The following SLC5A11 variants were observed in gnomAD, a reference collection of about 807,000 sequenced individuals.
The protein encoded by SLC5A11 is sodium/myo-inositol cotransporter 2.
In SLC5A11, 48 loss-of-function variants were observed where a neutral mutation model predicts 69.8. The observed-to-expected ratio is 0.69, with a 90% CI of 0.55 to 0.87. The LOEUF is 0.87. Ranked by LOEUF, SLC5A11 falls within the 40% of genes least tolerant of loss-of-function variation. The pLI, the probability that SLC5A11 is intolerant of heterozygous loss-of-function variation, is 0.00. For missense variants in SLC5A11, 784 were observed against 866.1 expected (o/e 0.91, Z 1.19); for synonymous variants, 319 against 342.4 (o/e 0.93, Z 0.75).
chr16:24,895,490 AAAAAGAAAGG>A (rs1357320145), intron 9 of SLC5A11, among the ~76,000 whole-genome samples: 3 of 151,684 alleles, frequency 2.0e-5, no homozygotes, highest in Non-Finnish European at 4.4e-5. Context: ...CTCCATCTCA[AAAAAGAAAGG>A]AAAAGAAAAG....
At chr16:24,850,906 G>A (rs2059273380) in intron 1 of SLC5A11, among the ~76,000 whole-genome samples, 1 of 151,718 alleles carries the variant, frequency 6.6e-6, no homozygotes, top group Admixed American at 6.6e-5. Context: ...CACCTCCCAG[G>A]TTCAAGCGAT....
chr16:24,905,931 T>G lies in SLC5A11; in HGVS notation c.1007-726T>G, dbSNP rs138097711. 2.0e-4 allele frequency among the ~76,000 whole-genome samples: 30 copies of G among 152,260 alleles called. No homozygotes were observed. The East Asian group carries it at 5.4e-3, about 27-fold the overall frequency. ...TCCTGAGTCATAGTAAACCTTCAGT[T>G]AATGTTGGGTTTGTGGAAGAAGAAG... On this transcript the variant is annotated intron_variant, in intron 10 of 15. Transcript: ENST00000347898.
chr16:24,906,239 G>C (rs1340486599), intron 10 of SLC5A11, among the ~76,000 whole-genome samples: 1 of 151,870 alleles, frequency 6.6e-6, no homozygotes, highest in Non-Finnish European at 1.5e-5. Flanking sequence ...TTCTCGGGAG[G>C]CTGAGGCAGG....
chr16:24,859,978 C>G (rs1434796684), intron 2 of SLC5A11, among the ~76,000 whole-genome samples: 1 of 151,854 alleles, frequency 6.6e-6, no homozygotes, highest in African/African-American at 2.4e-5. Context: ...GGTGAAATCC[C>G]ATCTTTACTA....
exon 16 of SLC5A11, chr16:24,911,610 G>T (rs2050535055): frequency 7.0e-7 from 1 of 1,438,582 alleles, no homozygotes; most frequent in African/African-American, 1.4e-5. Flanking sequence ...AAATAATAAA[G>T]CTTTTGTTTA....
intron 8 of SLC5A11, among the ~76,000 whole-genome samples, chr16:24,889,543 A>ATTTTTTTTTTTTTT (rs71156454): frequency 1.3e-5 from 1 of 74,346 alleles, no homozygotes; most frequent in African/African-American, 5.5e-5. Flanking sequence ...AGGTCTTACA[A>ATTTTTTTTTTTTTT]TTTTTTTTTT....
chr16:24,856,597 CAAAAAAAAAAA>C (rs35867622), intron 1 of SLC5A11, among the ~76,000 whole-genome samples: 67 of 88,830 alleles, frequency 7.5e-4, no homozygotes, highest in African/African-American at 2.6e-3. Flanking sequence ...ACTAAAAATA[CAAAAAAAAAAA>C]AAAAAAAAAA....
intron 10 of SLC5A11, among the ~76,000 whole-genome samples, chr16:24,898,510 C>CTT (rs111368545): frequency 5.4e-4 from 77 of 141,694 alleles, no homozygotes; most frequent in South Asian, 1.4e-3. Flanking sequence ...ATGCCCAGTC[C>CTT]TTTTTTTTTT....
chr16:24,874,015 T>C (rs555679732), intron 5 of SLC5A11, among the ~76,000 whole-genome samples: 13 of 152,132 alleles, frequency 8.5e-5, no homozygotes, highest in Middle Eastern at 6.8e-3. Flanking sequence ...TTAGTAGAGA[T>C]GGGGTTTCCC....
chr16:24,866,810 GGGTC>G, intron 3 of SLC5A11, among the ~76,000 whole-genome samples: 1 of 152,106 alleles, frequency 6.6e-6, no homozygotes, highest in East Asian at 1.9e-4. Context: ...AATGATAAAA[GGGTC>G]AATCCCTCAA....
chr16:24,872,182 T>C (rs1464764125), exon 5 of SLC5A11: 8 of 1,614,186 alleles, frequency 5.0e-6, no homozygotes, highest in Middle Eastern at 1.6e-4. Flanking sequence ...GTGCTGATGT[T>C]GGCCTGGATC....
chr16:24,906,591 ATGT>A, intron 10 of SLC5A11, 63 bp from the exon 12 acceptor site: 2 of 996,656 alleles, frequency 2.0e-6, no homozygotes, highest in Non-Finnish European at 3.0e-6. Flanking sequence ...GTCCGGCCCC[ATGT>A]TGCCTGGGCC....
chr16:24,849,585 A>AT (rs1567552495), intron 1 of SLC5A11, among the ~76,000 whole-genome samples: 3 of 86,934 alleles, frequency 3.5e-5, no homozygotes, highest in Admixed American at 1.1e-4. Flanking sequence ...AAAAAAAAAA[A>AT]AAAAAAAAAT....
intron 14 of SLC5A11, among the ~76,000 whole-genome samples, chr16:24,910,049 T>A (rs1045931188): frequency 3.3e-5 from 5 of 151,812 alleles, no homozygotes; most frequent in Admixed American, 6.6e-5. Flanking sequence ...GGGATTAGAA[T>A]GAGGGATAAT....
At chr16:24,858,389 T>C (rs1033792608) in intron 1 of SLC5A11, among the ~76,000 whole-genome samples, 7 of 152,162 alleles carry the variant, frequency 4.6e-5, no homozygotes. Context: ...AGTGACAAAA[T>C]TGACTGCAGA....
At chr16:24,875,577 G>T in intron 5 of SLC5A11, 50 bp from the exon 7 acceptor site, 1 of 1,484,448 alleles carries the variant, frequency 6.7e-7, no homozygotes, top group Non-Finnish European at 9.3e-7. Flanking sequence ...GGGGGGTCAC[G>T]TGCTGGTGGT....
chr16:24,908,820 T>G, intron 13 of SLC5A11, 61 bp from the exon 15 acceptor site: 1 of 1,540,748 alleles, frequency 6.5e-7, no homozygotes, highest in Non-Finnish European at 8.8e-7. Context: ...GATGGCTTCT[T>G]GAGGTTCCTG....
At chr16:24,854,955 TTGTGTG>T (rs34966155) in intron 1 of SLC5A11, among the ~76,000 whole-genome samples, 1 of 150,782 alleles carries the variant, frequency 6.6e-6, no homozygotes, top group Admixed American at 6.6e-5. Context: ...TAGGTTAGCC[TTGTGTG>T]TGTGTGTGTG....
chr16:24,877,680 T>C (rs868209982), intron 7 of SLC5A11, among the ~76,000 whole-genome samples: 84 of 152,174 alleles, frequency 5.5e-4, no homozygotes, highest in African/African-American at 2.0e-3. Context: ...CAAAATCCCA[T>C]CTCTACTAAA....
Sources: allele counts gnomAD v4.1 joint callset (sites outside exome capture counted in the v4.1 genomes callset), GRCh38; gene constraint gnomAD v4.1.1; transcripts MANE v1.5; gene names NCBI Gene and HGNC (gene_info 2026-07-23, HGNC 2026-07-21).